The following DCAF8L2 variants were observed in gnomAD, a reference collection of about 807,000 sequenced individuals.
DCAF8L2 encodes the protein DDB1- and CUL4-associated factor 8-like protein 2.
For synonymous variants in DCAF8L2, 200 were observed against 190.9 expected (o/e 1.05, Z -0.39); for missense variants, 430 against 490.7 (o/e 0.88, Z 1.17).
intron 1 of DCAF8L2, among the ~76,000 whole-genome samples, chrX:27,598,972 A>ATATATATATAT (rs1278710087): frequency 1.2e-5 from 1 of 81,072 alleles, no homozygotes; most frequent in African/African-American, 4.7e-5. Flanking sequence ...AAAAAAAAAA[A>ATATATATATAT]AAATATATAT....
chrX:27,628,439 T>C (rs1353522346), intron 1 of DCAF8L2, among the ~76,000 whole-genome samples: 1 of 111,725 alleles, frequency 9.0e-6, no homozygotes, highest in Admixed American at 9.5e-5. Flanking sequence ...TTCCTTTGTG[T>C]ATATGCACAT....
At chrX:27,644,857 C>T (rs781402778) in intron 2 of DCAF8L2, among the ~76,000 whole-genome samples, 187 of 111,778 alleles carry the variant, frequency 1.7e-3, no homozygotes, top group African/African-American at 5.8e-3. Context: ...CAGGTTCAAG[C>T]GATTCTCCTG....
At chrX:27,670,662 C>T (rs1203952736) in intron 2 of DCAF8L2, among the ~76,000 whole-genome samples, 2 of 111,157 alleles carry the variant, frequency 1.8e-5, no homozygotes, top group African/African-American at 6.5e-5. Context: ...GAAATCTGAT[C>T]CCCCAGTGTT....
intron 1 of DCAF8L2, among the ~76,000 whole-genome samples, chrX:27,601,691 C>T (rs2147121653): frequency 9.4e-6 from 1 of 106,150 alleles, no homozygotes; most frequent in Admixed American, 1.0e-4. Flanking sequence ...CAGAGTGAGA[C>T]TCAGTCTCAA....
chrX:27,580,637 T>C, the DCAF8L2 span, among the ~76,000 whole-genome samples: 3 of 111,979 alleles, frequency 2.7e-5, no homozygotes, highest in Non-Finnish European at 5.6e-5. Context: ...CATGTTCTTC[T>C]AGAACATCAT....
At chrX:27,654,261 T>A (rs2147204013) in intron 2 of DCAF8L2, among the ~76,000 whole-genome samples, 1 of 111,205 alleles carries the variant, frequency 9.0e-6, no homozygotes, top group African/African-American at 3.3e-5. Context: ...GCATGTGCAA[T>A]AATTAAACCT....
In DCAF8L2 at chrX:27,662,051, C is replaced by T. The variant is rs770156686; in HGVS notation, c.-219-15785C>T. ...AGAATCAATAAATATTTTCAAATTT[C>T]GGCAATTTCAAAATACTTTAATGAA... On this transcript the variant is annotated intron_variant, in intron 2 of 4. Coordinates refer to ENST00000451261, the MANE Select transcript of DCAF8L2 (RefSeq NM_001353450.2). 2.5e-4 allele frequency among the ~76,000 whole-genome samples: 28 copies of T among 111,279 alleles called. No individual in the cohort carries two copies. The South Asian group carries it at 4.1e-3, about 16-fold the overall frequency.
At chrX:27,732,684 T>C (rs769364790) in intron 4 of DCAF8L2, among the ~76,000 whole-genome samples, 1 of 111,419 alleles carries the variant, frequency 9.0e-6, no homozygotes, top group Non-Finnish European at 1.9e-5. Flanking sequence ...TGAAAAATGC[T>C]GCAATAATAT....
chrX:27,619,820 A>G (rs1927669098), intron 1 of DCAF8L2, among the ~76,000 whole-genome samples: 1 of 111,333 alleles, frequency 9.0e-6, no homozygotes, highest in African/African-American at 3.3e-5. Flanking sequence ...TACTGCTTAA[A>G]ATTTTAAAAA....
At chrX:27,600,212 C>CAGAATAAAACAGTTAAAT (rs1472733286) in intron 1 of DCAF8L2, among the ~76,000 whole-genome samples, 1 of 111,414 alleles carries the variant, frequency 9.0e-6, no homozygotes, top group African/African-American at 3.3e-5. Context: ...GTGTGTGTAT[C>CAGAATAAAACAGTTAAAT]AGAATAAAAC....
Position 27,747,544 on chromosome X carries a change from C to T in DCAF8L2, c.649C>T (p.Arg217Cys), listed in dbSNP as rs1292398178. The T allele has an allele frequency of 8.5e-7, 1 of 1,183,097 alleles. No homozygotes were observed. The highest frequency in any genetic ancestry group is 1.1e-6 in the Non-Finnish European group (1 of 880,732). ...EACGARAFVQ[R>C]FRLQYRLADH... is the part of the protein sequence containing the mutation. ...CTGTGGGGCAAGAGCCTTTGTGCAG[C>T]GTTTCCGCCTGCAATATCGTCTTGC... is the stretch of plus-strand genomic sequence containing the variant. Residue 217 changes from arginine (R) to cysteine (C), a missense_variant, in exon 5 of 5, where the codon CGT becomes TGT. By Grantham distance (180) the Arg-to-Cys change is radical. Transcript: ENST00000451261.
At chrX:27,524,587 G>T in the DCAF8L2 span, among the ~76,000 whole-genome samples, 11 of 110,250 alleles carry the variant, frequency 1.0e-4, no homozygotes, top group Admixed American at 1.1e-3. Context: ...GAATGTGTTT[G>T]CTCTTGCTTC....
chrX:27,747,289 G>A lies in DCAF8L2; in HGVS notation c.394G>A (p.Glu132Lys). Residue 132 changes from glutamate to lysine, a missense_variant, in exon 5 of 5, where the codon GAG (glutamate) becomes AAG (lysine). Transcript: ENST00000451261. Reference protein sequence around the residue: ...EEGGEEEEEEEEEEEEEEEEE... With the variant: ...EEGGEEEEEEKEEEEEEEEEE... ...GGGAGGGGAGGAGGAGGAAGAGGAGGAGGAGGAGGAGGAGGAGGAGGAGGA... is the reference window on the plus strand; with the variant it reads ...GGGAGGGGAGGAGGAGGAAGAGGAGAAGGAGGAGGAGGAGGAGGAGGAGGA... The A allele has an allele frequency of 1.9e-6, 1 of 531,701 alleles. No individual in the cohort carries two copies. The highest frequency in any genetic ancestry group is 2.4e-6 in the Non-Finnish European group (1 of 425,131). The allele number at this position is 531,701 out of a possible 1,213,427, so 43.8% of individuals were successfully genotyped here.
At chrX:27,565,282 G>A in the DCAF8L2 span, among the ~76,000 whole-genome samples, 4 of 110,996 alleles carry the variant, frequency 3.6e-5, no homozygotes, top group East Asian at 1.1e-3. Context: ...ACTTTGTCAA[G>A]TGCTTTTTCT....
chrX:27,469,528 C>T, the DCAF8L2 span, among the ~76,000 whole-genome samples: 7 of 111,566 alleles, frequency 6.3e-5, no homozygotes, highest in Non-Finnish European at 9.4e-5. Context: ...CAGTCTATTT[C>T]GTCTTAACAT....
At chrX:27,470,218 T>A in the DCAF8L2 span, among the ~76,000 whole-genome samples, 2 of 112,379 alleles carry the variant, frequency 1.8e-5, no homozygotes, top group Non-Finnish European at 3.8e-5. Context: ...TATAAGGGGT[T>A]TATCAAATAC....
the DCAF8L2 span, among the ~76,000 whole-genome samples, chrX:27,507,190 T>A: frequency 8.9e-6 from 1 of 112,082 alleles, no homozygotes; most frequent in Admixed American, 9.5e-5. Context: ...TGTTTTTAAA[T>A]ATAATTCGCT....
At chrX:27,583,208 G>C in the DCAF8L2 span, among the ~76,000 whole-genome samples, 72 of 111,574 alleles carry the variant, frequency 6.5e-4, no homozygotes, top group African/African-American at 2.2e-3. Flanking sequence ...TTGTGTGTGT[G>C]CACAAATGGT....
the DCAF8L2 span, among the ~76,000 whole-genome samples, chrX:27,486,004 A>G: frequency 1.3e-5 from 1 of 78,777 alleles, no homozygotes; most frequent in Non-Finnish European, 2.4e-5. Flanking sequence ...ATTATGTTCC[A>G]CTCTAGATTT....
Sources: allele counts gnomAD v4.1 joint callset (sites outside exome capture counted in the v4.1 genomes callset), GRCh38; gene constraint gnomAD v4.1.1; transcripts MANE v1.5; gene names NCBI Gene and HGNC (gene_info 2026-07-23, HGNC 2026-07-21).